TFDP1: variants seen among roughly 807,000 people sequenced by gnomAD.
TFDP1 encodes DRTF1-polypeptide 1.
In TFDP1, 6 loss-of-function variants were observed where a neutral mutation model predicts 48.0. That is an observed-to-expected ratio of 0.13 (90% CI 0.07 to 0.25). The LOEUF (loss-of-function observed/expected upper bound fraction) is 0.25. Ranked by LOEUF, TFDP1 falls within the 10% of genes least tolerant of loss-of-function variation. The probability of loss-of-function intolerance (pLI) is 1.00; values close to 1 mark genes in which losing one functional copy is unlikely to be tolerated. For missense variants in TFDP1, 335 were observed against 543.0 expected, an observed-to-expected ratio of 0.62 and a Z score of 3.81; for synonymous variants, 201 against 211.6, an observed-to-expected ratio of 0.95 and a Z score of 0.44.
chr13:113,640,367 A>G lies in TFDP1; in HGVS notation c.*100A>G. On this transcript the variant is annotated 3_prime_UTR_variant, in exon 12 of 12. Transcript: ENST00000375370. ...TGTTTCCTTTTGGCCTACTCCCAAG[A>G]AGATATTGGTAAGCTATTGAATTTA... The G allele has an allele frequency of 1.3e-6, 2 of 1,507,564 alleles. No individual in the cohort carries two copies. The highest frequency in any genetic ancestry group is 1.8e-6 in the Non-Finnish European group (2 of 1,135,588). 93.4% of individuals were successfully genotyped at this position (1,507,564 alleles called of 1,614,324 possible).
chr13:113,592,267 G>T (rs1791355620), intron 2 of TFDP1, among the ~76,000 whole-genome samples: 1 of 152,176 alleles, frequency 6.6e-6, no homozygotes, highest in African/African-American at 2.4e-5. Flanking sequence ...GCGATTCTCT[G>T]ACCTCAGCCT....
At chr13:113,595,564 C>A (rs751271544) in intron 2 of TFDP1, among the ~76,000 whole-genome samples, 1 of 152,166 alleles carries the variant, frequency 6.6e-6, no homozygotes, top group Non-Finnish European at 1.5e-5. Context: ...CAGTAATTAC[C>A]CACTCCCCTG....
At chr13:113,639,468 T>C (rs2049587089) in intron 11 of TFDP1, among the ~76,000 whole-genome samples, 2 of 152,376 alleles carry the variant, frequency 1.3e-5, no homozygotes, top group South Asian at 2.1e-4. Flanking sequence ...TACAGCTGAA[T>C]TTCTCGCCAT....
At chr13:113,639,346 T>G (rs1247816210) in intron 11 of TFDP1, among the ~76,000 whole-genome samples, 1 of 152,246 alleles carries the variant, frequency 6.6e-6, no homozygotes, top group Non-Finnish European at 1.5e-5. Flanking sequence ...TATTACCATT[T>G]CTTACGAAAT....
Position 113,627,711 on chromosome 13 carries a change from T to C in TFDP1, c.187-3912T>C, listed in dbSNP as rs2049220105. ...CCTCCTGTCAGATCCCAGCATTAGG[T>C]TCTCAGGAGCGCAAACCCCACTGTG... On this transcript the variant is annotated intron_variant, in intron 4 of 11. Transcript: ENST00000375370. The surrounding 1 kb of genome is among the most constrained non-coding windows in gnomAD (Gnocchi z 4.1). Among the ~76,000 whole-genome samples the C allele has an allele frequency of 6.8e-6, 1 of 146,272 alleles. No individual in the cohort carries two copies. Among genetic ancestry groups the C allele is most frequent in the African/African-American group, 2.8e-5 (1 of 35,922 alleles).
In TFDP1 at chr13:113,611,496, G is replaced by A. The variant is rs4150733; in HGVS notation, c.79+434G>A. ...GCACTTGCCACCTTTAACGCTTCGC[G>A]TGTGTATTTTACTAGCTCTTGAGGA... is the stretch of plus-strand genomic sequence containing the variant. On this transcript the variant is annotated intron_variant, in intron 3 of 11. Transcript: ENST00000375370. Among the ~76,000 whole-genome samples the A allele has an allele frequency of 6.2e-3, 951 of 152,354 alleles. 33 individuals are homozygous for A. The East Asian group carries it at 0.11, about 17-fold the overall frequency.
rs2047985989 is a variant in TFDP1, at chr13:113,585,716, C to A, written c.-64-58C>A. 2.8e-6 allele frequency: 3 copies of A among 1,078,880 alleles called. No homozygotes were observed. In the African/African-American group the frequency reaches 4.8e-5, roughly 17 times the overall value. 66.8% of individuals were successfully genotyped at this position (1,078,880 alleles called of 1,614,324 possible). On this transcript the variant is annotated intron_variant, in intron 1 of 11. Transcript: ENST00000375370. ...TTGAGATGTGTTATTTTTTAAACTTCGTTTTTCATTCTTACTTATTTCTTG... is the reference window on the plus strand; with the variant it reads ...TTGAGATGTGTTATTTTTTAAACTTAGTTTTTCATTCTTACTTATTTCTTG...
At chr13:113,589,006 G>C (rs533300228) in intron 2 of TFDP1, among the ~76,000 whole-genome samples, 1 of 150,066 alleles carries the variant, frequency 6.7e-6, no homozygotes, top group South Asian at 2.1e-4. Context: ...TAGACTGGAG[G>C]AGAGTGAGTG....
chr13:113,593,445 GC>G, intron 2 of TFDP1, among the ~76,000 whole-genome samples: 1 of 140,562 alleles, frequency 7.1e-6, no homozygotes, highest in South Asian at 2.4e-4. Context: ...CTGATCCTCA[GC>G]CCTGTCCAGG....
chr13:113,625,399 G>A (rs541591142), intron 4 of TFDP1, among the ~76,000 whole-genome samples: 8 of 100,630 alleles, frequency 7.9e-5, no homozygotes, highest in South Asian at 3.8e-4. Flanking sequence ...GGCGTCTCAC[G>A]TGTCCTCAGG....
In TFDP1 at chr13:113,623,975, C is replaced by G. The variant is rs557500459; in HGVS notation, c.186+689C>G. Reference sequence around the variant, plus strand: ...AATGGGGCCCCAGGCACTTGGTGGGCAGGTTTGGCTGTGACTGGAGCTGGT... The same window carrying G: ...AATGGGGCCCCAGGCACTTGGTGGGGAGGTTTGGCTGTGACTGGAGCTGGT... On this transcript the variant is annotated intron_variant, in intron 4 of 11. Coordinates refer to ENST00000375370, the MANE Select transcript of TFDP1 (RefSeq NM_007111.5). This position sits in a 1 kb window ranked among gnomAD's most constrained non-coding sequence, Gnocchi z 5.2. 4.6e-5 allele frequency among the ~76,000 whole-genome samples: 7 copies of G among 152,306 alleles called. No individual in the cohort carries two copies. The highest frequency in any genetic ancestry group is 1.4e-4 in the African/African-American group (6 of 41,564).
At chr13:113,586,482 T>G (rs1356920084) in intron 2 of TFDP1, among the ~76,000 whole-genome samples, 1 of 152,248 alleles carries the variant, frequency 6.6e-6, no homozygotes, top group East Asian at 1.9e-4. Context: ...ATTTTATTGG[T>G]GTGCGGTTCT....
At chr13:113,585,000 C>G (rs568307840) in intron 1 of TFDP1, 112 bp downstream of exon 1, 1 of 146,750 alleles carries the variant, frequency 6.8e-6, no homozygotes, top group East Asian at 2.0e-4. Flanking sequence ...CCGCGCGGCC[C>G]CGACCCGCGC....
At chr13:113,629,878 G>A (rs2049288035) in intron 4 of TFDP1, among the ~76,000 whole-genome samples, 1 of 152,196 alleles carries the variant, frequency 6.6e-6, no homozygotes, top group Admixed American at 6.5e-5. Flanking sequence ...GCGTGGTCCT[G>A]GGATTCCTGG....
chr13:113,635,839 G>T lies in TFDP1; in HGVS notation c.688-138G>T, dbSNP rs754384349. 9.3e-6 allele frequency: 9 copies of T among 962,728 alleles called. No individual in the cohort carries two copies. In the East Asian group the frequency reaches 2.4e-4, roughly 25 times the overall value. 59.6% of individuals were successfully genotyped at this position (962,728 alleles called of 1,614,324 possible). ...GGGCTGCAGAGGTCAGCACCCAGCG[G>T]CCGGCGCTGGCATTTCAGATGTCCA... On this transcript the variant is annotated intron_variant, in intron 8 of 11. Transcript: ENST00000375370.
chr13:113,630,097 A>C (rs75005381), intron 4 of TFDP1, among the ~76,000 whole-genome samples: 6 of 151,952 alleles, frequency 3.9e-5, no homozygotes, highest in African/African-American at 1.2e-4. Flanking sequence ...AGGCAGCCTG[A>C]GTGGCAGGGT....
intron 11 of TFDP1, among the ~76,000 whole-genome samples, chr13:113,638,779 T>C (rs1594547712): frequency 6.6e-6 from 1 of 152,198 alleles, no homozygotes; most frequent in African/African-American, 2.4e-5. Context: ...ATGGTAAATA[T>C]TAACAAAACA....
Position 113,611,056 on chromosome 13 carries a change from G to C in TFDP1, c.73G>C (p.Gly25Arg), listed in dbSNP as rs746890685. The change falls in exon 3 of 12, where the codon GGG becomes CGG. Residue 25 changes from glycine to arginine, a missense_variant. Physicochemically the swap from Gly to Arg is moderately radical, Grantham distance 125. Transcript: ENST00000375370. ...CTTCATAGACCAGAACCTTAGTCCCGGGAAAGGTAAGGGCACCTGTTCTGG... is the reference window on the plus strand; with the variant it reads ...CTTCATAGACCAGAACCTTAGTCCCCGGAAAGGTAAGGGCACCTGTTCTGG... ...KVFIDQNLSP[G>R]KGVVSLVAVH... The C allele has an allele frequency of 2.5e-6, 4 of 1,613,920 alleles. No homozygotes were observed. The highest frequency in any genetic ancestry group is 1.7e-5 in the Admixed American group (1 of 60,010).
intron 4 of TFDP1, among the ~76,000 whole-genome samples, chr13:113,628,737 C>G (rs1296693518): frequency 6.6e-6 from 1 of 152,234 alleles, no homozygotes; most frequent in East Asian, 1.9e-4. Context: ...CAGCTCTGAA[C>G]TATCCTTCCC....
Sources: allele counts gnomAD v4.1 joint callset (sites outside exome capture counted in the v4.1 genomes callset), GRCh38; gene constraint gnomAD v4.1.1; non-coding constraint Gnocchi (gnomAD v3.1); transcripts MANE v1.5; gene names NCBI Gene and HGNC (gene_info 2026-07-23, HGNC 2026-07-21).